ZNF521: variants seen among roughly 807,000 people sequenced by gnomAD.
ZNF521 encodes zinc finger protein 521.
A neutral mutation model predicts 105.5 loss-of-function variants in ZNF521; 14 were observed. The observed-to-expected ratio is 0.13, with a 90% CI of 0.09 to 0.21. The LOEUF is 0.21. ZNF521 is among the 10% of genes least tolerant of loss of function. The pLI, the probability that ZNF521 is intolerant of heterozygous loss-of-function variation, is 1.00. For synonymous variants in ZNF521, 635 were observed against 606.0 expected (o/e 1.05, Z -0.70); for missense variants, 1,233 against 1,629.7 (o/e 0.76, Z 4.19).
At chr18:25,339,783 T>C (rs1007239066) in intron 2 of ZNF521, among the ~76,000 whole-genome samples, 67 of 152,156 alleles carry the variant, frequency 4.4e-4, no homozygotes, top group Non-Finnish European at 3.5e-4. Flanking sequence ...CTTTGACATA[T>C]GGGGTATAAG....
rs1411607928 is a variant in ZNF521 at position 25,285,694 on chromosome 18, T to TCA, written c.220+36313_220+36314insTG. On this transcript the variant is annotated intron_variant, in intron 3 of 7. Transcript: ENST00000361524. Reference sequence around the variant, plus strand: ...TTGTAGTTGCACTTCTCTCTCTCTCTCTCTCACACACACACACACACACAC... The same window carrying TCA: ...TTGTAGTTGCACTTCTCTCTCTCTCTCACTCTCACACACACACACACACACAC... Among the ~76,000 whole-genome samples, 19 of 133,060 alleles carry TCA rather than the reference T, an allele frequency of 1.4e-4. No individual in the cohort carries two copies. In the East Asian group the frequency reaches 3.7e-3, roughly 26 times the overall value. 87.3% of individuals were successfully genotyped at this position (133,060 alleles called of 152,430 possible).
At chr18:25,188,842 G>A (rs2035771629) in intron 5 of ZNF521, among the ~76,000 whole-genome samples, 1 of 152,204 alleles carries the variant, frequency 6.6e-6, no homozygotes, top group Non-Finnish European at 1.5e-5. Context: ...TAGGGGCAGT[G>A]TGTTCTAAAG....
intron 5 of ZNF521, among the ~76,000 whole-genome samples, chr18:25,128,864 A>T (rs185482882): frequency 3.6e-4 from 55 of 152,210 alleles, no homozygotes; most frequent in African/African-American, 1.3e-3. Flanking sequence ...TATTGTTAAG[A>T]TGTCAATTCT....
At chr18:25,210,850 C>T (rs1397811374) in intron 4 of ZNF521, among the ~76,000 whole-genome samples, 1 of 152,202 alleles carries the variant, frequency 6.6e-6, no homozygotes, top group African/African-American at 2.4e-5. Flanking sequence ...TACTGTCTCC[C>T]TGTTCTCACA....
At chr18:25,322,474 T>C (rs1912984267) in intron 2 of ZNF521, 1 of 390,872 alleles carries the variant, frequency 2.6e-6, no homozygotes, top group Non-Finnish European at 4.8e-6. Context: ...ATTTTTTTCA[T>C]AGCCTTTTAG....
intron 5 of ZNF521, among the ~76,000 whole-genome samples, chr18:25,119,574 A>T (rs890609405): frequency 6.6e-6 from 1 of 152,138 alleles, no homozygotes; most frequent in African/African-American, 2.4e-5. Context: ...TTAAAAAAAT[A>T]ATCCATGGGT....
At chr18:25,122,058 C>T (rs185289946) in intron 5 of ZNF521, among the ~76,000 whole-genome samples, 3 of 152,248 alleles carry the variant, frequency 2.0e-5, no homozygotes, top group East Asian at 3.9e-4. Flanking sequence ...GCTATAACTA[C>T]ATTTCTGTGT....
At chr18:25,237,900 C>G (rs889776543) in intron 3 of ZNF521, among the ~76,000 whole-genome samples, 2 of 152,298 alleles carry the variant, frequency 1.3e-5, no homozygotes, top group Middle Eastern at 6.8e-3. Flanking sequence ...TCAAGGCTGT[C>G]ATTCCTAACT....
intron 5 of ZNF521, among the ~76,000 whole-genome samples, chr18:25,136,238 C>A: frequency 6.6e-6 from 1 of 152,114 alleles, no homozygotes; most frequent in African/African-American, 2.4e-5. Context: ...ATATTATGTT[C>A]ATGCCAATTT....
intron 5 of ZNF521, among the ~76,000 whole-genome samples, chr18:25,172,361 T>C (rs1480441762): frequency 6.6e-6 from 1 of 152,192 alleles, no homozygotes; most frequent in African/African-American, 2.4e-5. Flanking sequence ...ATTCCATCTA[T>C]TGTGTTTAAA....
intron 5 of ZNF521, among the ~76,000 whole-genome samples, chr18:25,100,099 T>A (rs1344426304): frequency 1.3e-5 from 2 of 151,826 alleles, no homozygotes; most frequent in African/African-American, 4.8e-5. Context: ...TTTCTTTTTT[T>A]TTTTTTTTAA....
Position 25,225,451 on chromosome 18 carries a change from A to T in ZNF521, c.2467T>A (p.Leu823Met). ...FCSKAFHAII[L>M]LEKHLREKHC... The stretch of plus-strand genomic sequence containing the variant: ...TTTTCTCGCAAGTGTTTTTCTAACA[A>T]AATGATCGCATGGAAGGCTTTGCTA... Residue 823 changes from leucine to methionine, a missense_variant, in exon 4 of 8, where the codon TTG (leucine) becomes ATG (methionine). By Grantham distance (15) the Leu-to-Met change is conservative (BLOSUM62 2). This residue lies in a region of ZNF521 where 614 missense variants were observed against 751.5 expected (regional missense o/e 0.82). Transcript: ENST00000361524. This position sits in a 1 kb window ranked among gnomAD's most constrained non-coding sequence, Gnocchi z 5.6. 1 of 1,614,208 alleles carries T rather than the reference A, an allele frequency of 6.2e-7. No homozygotes were observed. The highest frequency in any genetic ancestry group is 8.5e-7 in the Non-Finnish European group (1 of 1,180,032).
chr18:25,240,089 A>T (rs1420968194), intron 3 of ZNF521, among the ~76,000 whole-genome samples: 1 of 152,180 alleles, frequency 6.6e-6, no homozygotes, highest in African/African-American at 2.4e-5. Context: ...AGTGTAAGTC[A>T]AAAGAAAATC....
At chr18:25,218,229 G>C (rs1905460483) in intron 4 of ZNF521, among the ~76,000 whole-genome samples, 1 of 152,138 alleles carries the variant, frequency 6.6e-6, no homozygotes, top group East Asian at 1.9e-4. Context: ...GGTTCTGGCA[G>C]TGGTGTGGAG....
At chr18:25,121,655 C>A (rs2034446686) in intron 5 of ZNF521, among the ~76,000 whole-genome samples, 1 of 152,038 alleles carries the variant, frequency 6.6e-6, no homozygotes, top group Non-Finnish European at 1.5e-5. Flanking sequence ...TGGAGGGGGA[C>A]AGTGAAGGAA....
intron 3 of ZNF521, among the ~76,000 whole-genome samples, chr18:25,278,960 A>G (rs1183638583): frequency 1.3e-5 from 2 of 152,210 alleles, no homozygotes; most frequent in African/African-American, 4.8e-5. Context: ...AGTCTCTGCA[A>G]ATCTCAAGGA....
At chr18:25,314,009 CAT>C in intron 3 of ZNF521, among the ~76,000 whole-genome samples, 1 of 151,996 alleles carries the variant, frequency 6.6e-6, no homozygotes, top group Admixed American at 6.6e-5. Flanking sequence ...AATATAGAAA[CAT>C]AAATTAATAA....
chr18:25,276,716 C>CG (rs1909337399), intron 3 of ZNF521, among the ~76,000 whole-genome samples: 1 of 152,196 alleles, frequency 6.6e-6, no homozygotes, highest in South Asian at 2.1e-4. Context: ...TCCAAAGCCT[C>CG]GTTCATATGC....
At chr18:25,155,946 T>C (rs2035135749) in intron 5 of ZNF521, among the ~76,000 whole-genome samples, 1 of 152,090 alleles carries the variant, frequency 6.6e-6, no homozygotes, top group African/African-American at 2.4e-5. Flanking sequence ...ATAAAACATA[T>C]AGAGAATAAA....
Sources: gnomAD v4.1 joint callset for allele counts (sites outside exome capture counted in the v4.1 genomes callset) on GRCh38, gnomAD v4.1.1 for gene constraint, gnomAD v4.1.1 regional missense constraint, Gnocchi (gnomAD v3.1) non-coding constraint, MANE v1.5 for transcripts, NCBI Gene and HGNC (gene_info 2026-07-23, HGNC 2026-07-21) for gene names.